SLC6A18: variants seen among roughly 807,000 people sequenced by gnomAD.
SLC6A18 encodes the protein inactive sodium-dependent neutral amino acid transporter B(0)AT3.
Under a neutral mutation model 62.9 loss-of-function variants are expected in SLC6A18, and 58 were observed. That is an observed-to-expected ratio of 0.92 (90% CI 0.75 to 1.15). The LOEUF (loss-of-function observed/expected upper bound fraction) is 1.15, where lower values mean the gene tolerates loss of function less well. Among genes scored for constraint, SLC6A18 ranks in the 50% most tolerant of loss-of-function variants. SLC6A18 has a pLI of 0.00. For missense variants in SLC6A18, 793 were observed against 836.6 expected, an observed-to-expected ratio of 0.95 and a Z score of 0.64; for synonymous variants, 382 against 365.8, an observed-to-expected ratio of 1.04 and a Z score of -0.51.
Position 1,246,135 on chromosome 5 carries a change from T to TGGGCGGGGCCCC in SLC6A18, c.*59_*70dup, listed in dbSNP as rs1379263207. 8 of 1,324,690 alleles carry TGGGCGGGGCCCC rather than the reference T, an allele frequency of 6.0e-6. No homozygotes were observed. Among genetic ancestry groups the TGGGCGGGGCCCC allele is most frequent in the Middle Eastern group, 2.7e-4 (1 of 3,688 alleles). 82.1% of individuals were successfully genotyped at this position (1,324,690 alleles called of 1,614,324 possible). A position where few individuals can be genotyped will look rare whatever the true frequency, so the allele number is the denominator to read the frequency against. ...TCTGTGGGGGGGCTTGGCCTGATGG[T>TGGGCGGGGCCCC]GGGCGGGGCCCCGCCCACAGGGCCG... On this transcript the variant is annotated 3_prime_UTR_variant, in exon 12 of 12. Transcript: ENST00000324642.
chr5:1,242,396 C>T (rs916864326), intron 7 of SLC6A18, among the ~76,000 whole-genome samples: 9 of 139,286 alleles, frequency 6.5e-5, no homozygotes, highest in Non-Finnish European at 1.1e-4. Context: ...GAGGCGTCCA[C>T]ACGATCCCAA....
intron 4 of SLC6A18, among the ~76,000 whole-genome samples, chr5:1,237,115 G>A (rs1232012954): frequency 6.6e-6 from 1 of 151,610 alleles, no homozygotes; most frequent in Non-Finnish European, 1.5e-5. Flanking sequence ...GGTGTTGGGA[G>A]CCTGTAATCC....
chr5:1,232,837 T>A lies in SLC6A18; in HGVS notation c.388T>A (p.Phe130Ile). ...AWVLWYLLNS[F>I]QHPLPWSSCP... ...GGTGCTGTGGTACCTCCTCAACTCC[T>A]TCCAGCACCCGCTGCCCTGGAGCTC... is the stretch of plus-strand genomic sequence containing the variant. The change falls in exon 3 of 12, where the codon TTC becomes ATC. Residue 130 changes from phenylalanine (F) to isoleucine (I), a missense_variant. Transcript: ENST00000324642. 1 of 1,613,236 alleles carries A rather than the reference T, an allele frequency of 6.2e-7. No homozygotes were observed. The highest frequency in any genetic ancestry group is 1.1e-5 in the South Asian group (1 of 91,068).
chr5:1,238,604 C>A (rs113061385), intron 5 of SLC6A18, among the ~76,000 whole-genome samples: 1 of 38,278 alleles, frequency 2.6e-5, no homozygotes, highest in African/African-American at 4.9e-4. Flanking sequence ...GAGCCAGGGG[C>A]CTCAGGAAAG....
rs557464294 is a variant in SLC6A18, at chr5:1,243,921, G to A, written c.1336+162G>A. Among the ~76,000 whole-genome samples, 7 of 152,290 alleles carry A rather than the reference G, an allele frequency of 4.6e-5. No homozygotes were observed. The highest frequency in any genetic ancestry group is 4.6e-4 in the Admixed American group (7 of 15,304). On this transcript the variant is annotated intron_variant, in intron 9 of 11. Coordinates refer to ENST00000324642, the MANE Select transcript of SLC6A18 (RefSeq NM_182632.3). The surrounding 1 kb of genome is among the most constrained non-coding windows in gnomAD (Gnocchi z 6.5). The stretch of plus-strand genomic sequence containing the variant: ...CTACTCCTTGCTGACAGCCATCAAC[G>A]GAGAGCCGAGGGTCGAGGGAGGGTC...
intron 4 of SLC6A18, 60 bp downstream of exon 4, chr5:1,235,722 C>G: frequency 6.4e-7 from 1 of 1,556,522 alleles, no homozygotes; most frequent in Non-Finnish European, 8.8e-7. Flanking sequence ...AGACCCCTCC[C>G]CATTGACCTG....
intron 1 of SLC6A18, among the ~76,000 whole-genome samples, chr5:1,230,526 C>A (rs1746705600): frequency 6.6e-6 from 1 of 152,210 alleles, no homozygotes; most frequent in African/African-American, 2.4e-5. Flanking sequence ...CCCCCACATG[C>A]TGGCCCTGGA....
chr5:1,232,430 C>G (rs1387026875), intron 2 of SLC6A18, 71 bp downstream of exon 2: 100 of 1,449,060 alleles, frequency 6.9e-5, no homozygotes, highest in Admixed American at 1.2e-4. Flanking sequence ...AGAGGTGGGG[C>G]GGGGGCGGGT....
chr5:1,240,381 C>A, intron 6 of SLC6A18, 150 bp from the exon 7 acceptor site: 1 of 1,189,066 alleles, frequency 8.4e-7, no homozygotes, highest in Non-Finnish European at 1.2e-6. Flanking sequence ...TCTGAGACTC[C>A]AGGACTGGCA....
chr5:1,246,166 A>G lies in SLC6A18; in HGVS notation c.*88A>G. On this transcript the variant is annotated 3_prime_UTR_variant, in exon 12 of 12. Transcript: ENST00000324642. The stretch of plus-strand genomic sequence containing the variant: ...GGGCCCCGCCCACAGGGCCGACCCC[A>G]ATACACCAGCGACTCAACCTTGATG... 5 of 1,437,592 alleles carry G rather than the reference A, an allele frequency of 3.5e-6. No homozygotes were observed. Among genetic ancestry groups the G allele is most frequent in the African/African-American group, 1.4e-5 (1 of 69,434 alleles). 89.1% of individuals were successfully genotyped at this position (1,437,592 alleles called of 1,614,324 possible). A position where few individuals can be genotyped will look rare whatever the true frequency, so the allele number is the denominator to read the frequency against.
rs145477472 is a variant in SLC6A18 at position 1,245,982 on chromosome 5, G to A, written c.1791G>A (p.Thr597=). The change falls in exon 12 of 12, where the codon ACG becomes ACA. Residue 597 remains threonine, a synonymous_variant. Coordinates refer to ENST00000324642, the MANE Select transcript of SLC6A18 (RefSeq NM_182632.3). ...LAQLLTRRRR[T]WRDRDARPDT... ...AGCTGCTCACCCGGCGGAGGCGGACGTGGAGGGACAGGGACGCGCGCCCAG... is the reference window on the plus strand; with the variant it reads ...AGCTGCTCACCCGGCGGAGGCGGACATGGAGGGACAGGGACGCGCGCCCAG... 6.3e-6 allele frequency: 10 copies of A among 1,599,858 alleles called. No individual in the cohort carries two copies. The African/African-American group carries it at 8.0e-5, about 13-fold the overall frequency.
intron 6 of SLC6A18, 94 bp from the exon 7 acceptor site, chr5:1,240,437 G>A: frequency 6.4e-7 from 1 of 1,554,524 alleles, no homozygotes; most frequent in Non-Finnish European, 8.7e-7. Flanking sequence ...GCGGGAGAGA[G>A]GGTCAAGGAG....
At chr5:1,236,523 A>G (rs1017556177) in intron 4 of SLC6A18, among the ~76,000 whole-genome samples, 4 of 152,226 alleles carry the variant, frequency 2.6e-5, no homozygotes, top group African/African-American at 9.6e-5. Context: ...AGCAGAAAGG[A>G]CCAGTAGAAC....
At position 1,235,659 on chromosome 5, in the gene SLC6A18, G is replaced by A. The variant is rs373757601; in HGVS notation, c.618G>A (p.Gly206=). 5.6e-6 allele frequency: 9 copies of A among 1,613,770 alleles called. No homozygotes were observed. The highest frequency in any genetic ancestry group is 7.6e-6 in the Non-Finnish European group (9 of 1,180,000). Residue 206 remains glycine (G), a synonymous_variant, in exon 4 of 12, where the codon GGG becomes GGA. Coordinates refer to ENST00000324642, the MANE Select transcript of SLC6A18 (RefSeq NM_182632.3). ...MCVIRGIETT[G]KVIYFTALFP... ...TCATCAGGGGCATTGAGACTACAGGGAAGGTGAGAGCTGGCAGGGCCTGAT... is the reference window on the plus strand; with the variant it reads ...TCATCAGGGGCATTGAGACTACAGGAAAGGTGAGAGCTGGCAGGGCCTGAT...
In SLC6A18 at chr5:1,243,481, C is replaced by A; in HGVS notation, c.1132-74C>A. On this transcript the variant is annotated intron_variant, in intron 8 of 11. Coordinates refer to ENST00000324642, the MANE Select transcript of SLC6A18 (RefSeq NM_182632.3). The surrounding 1 kb of genome is among the most constrained non-coding windows in gnomAD (Gnocchi z 6.5). ...GTCCTCGGCCTGGGAGAGTGTGTGTCCTGCAGGCAGGCGTGTGTGTGTGGT... is the reference window on the plus strand; with the variant it reads ...GTCCTCGGCCTGGGAGAGTGTGTGTACTGCAGGCAGGCGTGTGTGTGTGGT... 2.0e-6 allele frequency: 3 copies of A among 1,523,210 alleles called. No homozygotes were observed. The highest frequency in any genetic ancestry group is 1.8e-6 in the Non-Finnish European group (2 of 1,114,696). 94.4% of individuals were successfully genotyped at this position (1,523,210 alleles called of 1,614,324 possible).
rs1456691811 is a variant in SLC6A18 at position 1,246,000 on chromosome 5, G to A, written c.1809G>A (p.Ala603=). 62 of 1,596,222 alleles carry A rather than the reference G, an allele frequency of 3.9e-5. No homozygotes were observed. The highest frequency in any genetic ancestry group is 5.2e-5 in the Non-Finnish European group (61 of 1,177,014). The change falls in exon 12 of 12, where the codon GCG becomes GCA. Residue 603 remains alanine (A), a synonymous_variant. Coordinates refer to ENST00000324642, the MANE Select transcript of SLC6A18 (RefSeq NM_182632.3). ...RRRRTWRDRD[A]RPDTDMRPDT... The stretch of plus-strand genomic sequence containing the variant: ...GGCGGACGTGGAGGGACAGGGACGC[G>A]CGCCCAGACACGGACATGCGCCCGG...
In SLC6A18 at chr5:1,241,677, G is replaced by T. The variant is rs1176522332; in HGVS notation, c.974+1018G>T. On this transcript the variant is annotated intron_variant, in intron 7 of 11. Transcript: ENST00000324642. The surrounding 1 kb of genome is among the most constrained non-coding windows in gnomAD (Gnocchi z 7.8). ...GGTCAGGGAGGACGGTGATTTATAGGATTTACAGGATGAGCCGGGTCAAGA... is the reference window on the plus strand; with the variant it reads ...GGTCAGGGAGGACGGTGATTTATAGTATTTACAGGATGAGCCGGGTCAAGA... 8.5e-5 allele frequency among the ~76,000 whole-genome samples: 13 copies of T among 152,170 alleles called. No homozygotes were observed. Among genetic ancestry groups the T allele is most frequent in the Admixed American group, 7.2e-4 (11 of 15,288 alleles).
chr5:1,229,581 T>G (rs1746669891), intron 1 of SLC6A18, among the ~76,000 whole-genome samples: 1 of 152,184 alleles, frequency 6.6e-6, no homozygotes, highest in Admixed American at 6.5e-5. Context: ...ATCCCATATC[T>G]GGAACCCGGA....
rs868140020 is a variant in SLC6A18 at position 1,239,453 on chromosome 5, C to T, written c.736C>T (p.His246Tyr). The change falls in exon 6 of 12, where the codon CAC (histidine) becomes TAC (tyrosine). Residue 246 changes from histidine to tyrosine, a missense_variant. Coordinates refer to ENST00000324642, the MANE Select transcript of SLC6A18 (RefSeq NM_182632.3). The stretch of plus-strand genomic sequence containing the variant: ...CGCTCTCCCTGACTCATTCCAGATG[C>T]ACATTCTCCAGAACCCCCGGGTGTG... The part of the protein sequence containing the change: ...GLIYLFTPNM[H>Y]ILQNPRVWLD... The T allele has an allele frequency of 2.5e-6, 4 of 1,612,712 alleles. No individual in the cohort carries two copies. The African/African-American group carries it at 4.0e-5, about 16-fold the overall frequency.
Sources: gnomAD v4.1 joint callset for allele counts (sites outside exome capture counted in the v4.1 genomes callset) on GRCh38, gnomAD v4.1.1 for gene constraint, Gnocchi (gnomAD v3.1) non-coding constraint, MANE v1.5 for transcripts, NCBI Gene and HGNC (gene_info 2026-07-23, HGNC 2026-07-21) for gene names.